Variants in DMD observed in about 807,000 individuals in gnomAD.
DMD encodes dystrophin, also known as mutant dystrophin.
A neutral mutation model predicts 330.1 loss-of-function variants in DMD; 63 were observed. The observed-to-expected ratio is 0.19, with a 90% CI of 0.16 to 0.24. The LOEUF is 0.24. Among genes scored for constraint, DMD ranks in the 10% least tolerant of loss-of-function variants. The probability of loss-of-function intolerance (pLI) is 1.00; values close to 1 mark genes in which losing one functional copy is unlikely to be tolerated. For missense variants in DMD, 3,344 were observed against 2,684.1 expected, an observed-to-expected ratio of 1.25 and a Z score of -5.43; for synonymous variants, 1,223 against 959.8, an observed-to-expected ratio of 1.27 and a Z score of -5.07.
At chrX:32,576,636 ATTGT>A (rs34718136) in intron 13 of DMD, among the ~76,000 whole-genome samples, 43,082 of 101,423 alleles carry the variant, frequency 0.42, 8,337 homozygotes, top group Non-Finnish European at 0.57. Context: ...AAATTTATGA[ATTGT>A]TTATTTCTGG....
intron 43 of DMD, among the ~76,000 whole-genome samples, chrX:32,238,563 T>C (rs888146515): frequency 9.0e-6 from 1 of 111,242 alleles, no homozygotes; most frequent in East Asian, 2.8e-4. Flanking sequence ...AAATGACATA[T>C]CATCACAAAA....
chrX:32,054,134 AG>A (rs1384651536), intron 44 of DMD, among the ~76,000 whole-genome samples: 297 of 96,005 alleles, frequency 3.1e-3, no homozygotes, highest in Non-Finnish European at 4.3e-3. Flanking sequence ...AGAGAGAGAG[AG>A]AAGAGGACTG....
intron 4 of DMD, among the ~76,000 whole-genome samples, chrX:32,834,282 C>T (rs1054952596): frequency 4.5e-5 from 5 of 111,054 alleles, no homozygotes; most frequent in Non-Finnish European, 7.6e-5. Flanking sequence ...ACTTGTCTAA[C>T]AAATTAAATT....
At chrX:31,542,407 C>G (rs760095472) in intron 55 of DMD, among the ~76,000 whole-genome samples, 2 of 112,054 alleles carry the variant, frequency 1.8e-5, no homozygotes, top group Middle Eastern at 4.7e-3. Context: ...CATATGCACT[C>G]AAGCTGTACC....
chrX:32,148,099 G>C, intron 44 of DMD, among the ~76,000 whole-genome samples: 1 of 109,880 alleles, frequency 9.1e-6, no homozygotes. Flanking sequence ...GGATGGTCTC[G>C]ATCTCCTGAC....
At chrX:33,023,721 T>C (rs1384276986) in intron 1 of DMD, among the ~76,000 whole-genome samples, 1 of 111,840 alleles carries the variant, frequency 8.9e-6, no homozygotes, top group Non-Finnish European at 1.9e-5. Context: ...TATATATTGG[T>C]AATTCTTAAA....
intron 63 of DMD, among the ~76,000 whole-genome samples, chrX:31,225,605 C>G (rs963027683): frequency 8.9e-6 from 1 of 111,946 alleles, no homozygotes; most frequent in Non-Finnish European, 1.9e-5. Context: ...GCTGCTAGAA[C>G]AATGGTTTTC....
chrX:32,078,083 A>G (rs930398158), intron 44 of DMD, among the ~76,000 whole-genome samples: 2 of 111,193 alleles, frequency 1.8e-5, no homozygotes, highest in Non-Finnish European at 3.8e-5. Flanking sequence ...TAAAATCCAC[A>G]TTTATATTCA....
At chrX:31,431,203 G>T (rs898835991) in intron 60 of DMD, among the ~76,000 whole-genome samples, 1 of 110,863 alleles carries the variant, frequency 9.0e-6, no homozygotes, top group Non-Finnish European at 1.9e-5. Flanking sequence ...TAGTTCAGTC[G>T]ATATTTATGG....
intron 44 of DMD, among the ~76,000 whole-genome samples, chrX:32,135,479 T>G (rs1603626748): frequency 1.8e-5 from 2 of 112,675 alleles, no homozygotes; most frequent in Admixed American, 1.9e-4. Context: ...GCCTGTAATC[T>G]CGGCATTTTG....
intron 44 of DMD, among the ~76,000 whole-genome samples, chrX:32,130,388 T>TTA (rs769215571): frequency 0.027 from 2,926 of 109,913 alleles, 100 homozygotes; most frequent in African/African-American, 0.089. Context: ...ACACTGAGTT[T>TTA]TATATATATA....
chrX:32,882,297 G>C (rs781414077), intron 2 of DMD, among the ~76,000 whole-genome samples: 1 of 111,358 alleles, frequency 9.0e-6, no homozygotes, highest in South Asian at 3.8e-4. Flanking sequence ...CCCTAGGAGC[G>C]GTAGCTACTT....
chrX:33,299,902 T>G (rs1364324475), intron 1 of DMD, among the ~76,000 whole-genome samples: 1 of 112,044 alleles, frequency 8.9e-6, no homozygotes, highest in Non-Finnish European at 1.9e-5. Flanking sequence ...TGCACTTAAA[T>G]AGCATGCTGC....
intron 11 of DMD, among the ~76,000 whole-genome samples, chrX:32,639,142 A>G (rs1360642898): frequency 1.8e-5 from 2 of 112,154 alleles, no homozygotes; most frequent in Non-Finnish European, 3.8e-5. Context: ...TACAATTATC[A>G]GAAAAGTTGA....
intron 44 of DMD, among the ~76,000 whole-genome samples, chrX:32,097,785 T>C (rs1283443828): frequency 8.9e-6 from 1 of 112,197 alleles, no homozygotes; most frequent in Non-Finnish European, 1.9e-5. Context: ...TTTGCATGTT[T>C]TACAGTTCAG....
chrX:32,990,540 T>G (rs2092947039), intron 2 of DMD, among the ~76,000 whole-genome samples: 2 of 111,886 alleles, frequency 1.8e-5, no homozygotes, highest in Non-Finnish European at 3.8e-5. Context: ...TTAAGAGAAG[T>G]TATTGAGTTG....
At chrX:31,596,169 TGAA>T (rs1289505947) in intron 55 of DMD, among the ~76,000 whole-genome samples, 1 of 111,603 alleles carries the variant, frequency 9.0e-6, no homozygotes, top group African/African-American at 3.3e-5. Context: ...ATAATATTGA[TGAA>T]GGAGAAAAGA....
intron 2 of DMD, among the ~76,000 whole-genome samples, chrX:33,004,964 G>T (rs1277512008): frequency 1.8e-5 from 2 of 111,098 alleles, no homozygotes; most frequent in Non-Finnish European, 3.8e-5. Flanking sequence ...TTTATAGTCT[G>T]CTAACTTACT....
At chrX:32,204,766 G>A (rs1217723762) in intron 44 of DMD, among the ~76,000 whole-genome samples, 1 of 109,815 alleles carries the variant, frequency 9.1e-6, no homozygotes, top group Non-Finnish European at 1.9e-5. Flanking sequence ...AACCAACCAT[G>A]GTGGAAGGCA....
Sources: allele counts gnomAD v4.1 joint callset (sites outside exome capture counted in the v4.1 genomes callset), GRCh38; gene constraint gnomAD v4.1.1; transcripts MANE v1.5; gene names NCBI Gene and HGNC (gene_info 2026-07-23, HGNC 2026-07-21).